Variants in MED27 observed in about 807,000 individuals in gnomAD.
The protein encoded by MED27 is mediator of RNA polymerase II transcription subunit 27.
A neutral mutation model predicts 38.2 loss-of-function variants in MED27; 30 were observed. The ratio of observed to expected loss-of-function variants is 0.79; its 90% confidence interval spans 0.59 to 1.07. MED27 has a LOEUF of 1.07. Ranked by LOEUF, MED27 falls within the 50% of genes least tolerant of loss-of-function variation. MED27 has a pLI of 0.00. For synonymous variants in MED27, 122 were observed against 153.5 expected (o/e 0.79, Z 1.52); for missense variants, 289 against 397.5 (o/e 0.73, Z 2.32).
In MED27 at chr9:132,051,536, A is replaced by C. The variant is rs146127570; in HGVS notation, c.348+25906T>G. On this transcript the variant is annotated intron_variant, in intron 2 of 7. Transcript: ENST00000292035. This position sits in a 1 kb window ranked among gnomAD's most constrained non-coding sequence, Gnocchi z 4.2. ...AGACATAAAGACTGTGGAAATATGC[A>C]CAGTGAAGGAAAAAAGGGTTAGGTC... Among the ~76,000 whole-genome samples the C allele has an allele frequency of 3.6e-3, 551 of 152,328 alleles. 3 individuals carry two copies. Among genetic ancestry groups the C allele is most frequent in the African/African-American group, 0.013 (520 of 41,568 alleles).
intron 3 of MED27, among the ~76,000 whole-genome samples, chr9:131,956,268 G>A (rs1410658723): frequency 1.3e-5 from 2 of 152,236 alleles, no homozygotes; most frequent in East Asian, 3.8e-4. Flanking sequence ...AGATGGTGGA[G>A]TGGGAATTGG....
chr9:131,903,776 G>A (rs898292450), intron 4 of MED27, among the ~76,000 whole-genome samples: 2 of 152,102 alleles, frequency 1.3e-5, no homozygotes, highest in Non-Finnish European at 2.9e-5. Flanking sequence ...TGCCCAGGTT[G>A]GAGTGCAGTA....
At chr9:131,955,033 TG>T (rs150630343) in intron 3 of MED27, among the ~76,000 whole-genome samples, 4,259 of 152,204 alleles carry the variant, frequency 0.028, 206 homozygotes, top group African/African-American at 0.098. Flanking sequence ...CAAGTGCACC[TG>T]GAACACTCAC....
chr9:132,074,552 AATG>A (rs1442749031), intron 2 of MED27, among the ~76,000 whole-genome samples: 1 of 152,214 alleles, frequency 6.6e-6, no homozygotes, highest in African/African-American at 2.4e-5. Flanking sequence ...TTGAGGGTAA[AATG>A]ATGAATGATG....
At chr9:132,066,862 T>A (rs889561475) in intron 2 of MED27, among the ~76,000 whole-genome samples, 1 of 151,808 alleles carries the variant, frequency 6.6e-6, no homozygotes, top group Non-Finnish European at 1.5e-5. Flanking sequence ...ATGAAAAAAA[T>A]AATAAAAATA....
At chr9:131,909,695 A>G (rs1181684446) in intron 4 of MED27, among the ~76,000 whole-genome samples, 1 of 152,254 alleles carries the variant, frequency 6.6e-6, no homozygotes, top group African/African-American at 2.4e-5. Flanking sequence ...GAATGGAAAA[A>G]TATGTCCCAC....
rs1172874993 is a variant in MED27, at chr9:131,889,851, G to A, written c.681+4034C>T. On this transcript the variant is annotated intron_variant, in intron 5 of 7. Transcript: ENST00000292035. This position sits in a 1 kb window ranked among gnomAD's most constrained non-coding sequence, Gnocchi z 4.2. Reference sequence around the variant, plus strand: ...TAGGAGGCTTCCTGAGCCACACCCAGGGCCTCTGTGGCTGTGCTCCAGGAG... The same window carrying A: ...TAGGAGGCTTCCTGAGCCACACCCAAGGCCTCTGTGGCTGTGCTCCAGGAG... Among the ~76,000 whole-genome samples, 1 of 152,166 alleles carries A rather than the reference G, an allele frequency of 6.6e-6. No individual in the cohort carries two copies. Among genetic ancestry groups the A allele is most frequent in the Non-Finnish European group, 1.5e-5 (1 of 68,038 alleles).
chr9:132,007,890 A>C (rs991963476), intron 3 of MED27, among the ~76,000 whole-genome samples: 1 of 152,102 alleles, frequency 6.6e-6, no homozygotes, highest in Admixed American at 6.6e-5. Context: ...CCCTTAATCA[A>C]GCAGACAGAA....
rs1282051669 is a variant in MED27 at position 131,862,827 on chromosome 9, T to A, written c.801+236A>T. ...TGCTGGAACTATTTTGGAAGATCAT[T>A]TCTGAAACCACCGCTTTTTCAGCAA... On this transcript the variant is annotated intron_variant, in intron 7 of 7. Transcript: ENST00000292035. The surrounding 1 kb of genome is among the most constrained non-coding windows in gnomAD (Gnocchi z 4.6). Among the ~76,000 whole-genome samples, 1 of 152,228 alleles carries A rather than the reference T, an allele frequency of 6.6e-6. No homozygotes were observed. Among genetic ancestry groups the A allele is most frequent in the African/African-American group, 2.4e-5 (1 of 41,466 alleles).
chr9:131,991,344 ACATTC>A (rs1385036446), intron 3 of MED27, among the ~76,000 whole-genome samples: 1 of 152,230 alleles, frequency 6.6e-6, no homozygotes, highest in Non-Finnish European at 1.5e-5. Context: ...ATAGATAGGA[ACATTC>A]TAATTTCATT....
At position 131,860,642 on chromosome 9, in the gene MED27, G is replaced by A. The variant is rs376537157; in HGVS notation, c.832C>T (p.Gln278Ter). The A allele has an allele frequency of 1.9e-6, 3 of 1,613,332 alleles. No individual in the cohort carries two copies. Among genetic ancestry groups the A allele is most frequent in the Non-Finnish European group, 2.5e-6 (3 of 1,179,720 alleles). Residue 278 changes from glutamine (Q) to a stop codon, truncating the protein, a stop_gained, in exon 8 of 8, where the codon CAG (glutamine) becomes TAG (stop). Coordinates refer to ENST00000292035, the MANE Select transcript of MED27 (RefSeq NM_004269.4). LOFTEE classifies it high-confidence loss of function. This position sits in a 1 kb window ranked among gnomAD's most constrained non-coding sequence, Gnocchi z 5.8. ...TWLRSYIKLFQAPCQRCGKFL... is the reference protein window; with the variant it reads ...TWLRSYIKLF The stretch of plus-strand genomic sequence containing the variant: ...TTCCCGCAGCGCTGGCACGGGGCCT[G>A]GAACAGCTTTATGTAACTTCTTAAC...
At chr9:132,001,286 T>C (rs1832228176) in intron 3 of MED27, among the ~76,000 whole-genome samples, 1 of 152,076 alleles carries the variant, frequency 6.6e-6, no homozygotes, top group Non-Finnish European at 1.5e-5. Flanking sequence ...TATGTTTGAG[T>C]AAGGTGATAG....
In MED27 at chr9:131,883,386, G is replaced by A. The variant is rs1368224580; in HGVS notation, c.723+672C>T. Reference sequence around the variant, plus strand: ...AATCCTCATCAGCCACAGGGCCTGAGTTAGTCCAGGGAAGGGGCCCTGCAC... The same window carrying A: ...AATCCTCATCAGCCACAGGGCCTGAATTAGTCCAGGGAAGGGGCCCTGCAC... On this transcript the variant is annotated intron_variant, in intron 6 of 7. Transcript: ENST00000292035. The surrounding 1 kb of genome is among the most constrained non-coding windows in gnomAD (Gnocchi z 4.2). 6.6e-6 allele frequency among the ~76,000 whole-genome samples: 1 copy of A among 152,220 alleles called. No homozygotes were observed. The highest frequency in any genetic ancestry group is 1.5e-5 in the Non-Finnish European group (1 of 68,036).
At chr9:131,905,122 T>TA (rs1266291353) in intron 4 of MED27, among the ~76,000 whole-genome samples, 1 of 152,236 alleles carries the variant, frequency 6.6e-6, no homozygotes. Flanking sequence ...ATAAAACGTA[T>TA]ATTCAAATAT....
intron 3 of MED27, among the ~76,000 whole-genome samples, chr9:132,011,750 AG>A (rs1832490940): frequency 6.6e-6 from 1 of 152,192 alleles, no homozygotes; most frequent in African/African-American, 2.4e-5. Flanking sequence ...AGTTCTATAA[AG>A]GGATTCCAGG....
At chr9:131,965,216 C>T (rs1831311412) in intron 3 of MED27, among the ~76,000 whole-genome samples, 1 of 152,162 alleles carries the variant, frequency 6.6e-6, no homozygotes, top group African/African-American at 2.4e-5. Flanking sequence ...GCCTACAGCC[C>T]AGGAAACACT....
rs1364048574 is a variant in MED27 at position 131,982,883 on chromosome 9, G to T, written c.479+31454C>A. Among the ~76,000 whole-genome samples, 1 of 152,240 alleles carries T rather than the reference G, an allele frequency of 6.6e-6. No individual in the cohort carries two copies. The highest frequency in any genetic ancestry group is 2.4e-5 in the African/African-American group (1 of 41,460). On this transcript the variant is annotated intron_variant, in intron 3 of 7. Coordinates refer to ENST00000292035, the MANE Select transcript of MED27 (RefSeq NM_004269.4). The surrounding 1 kb of genome is among the most constrained non-coding windows in gnomAD (Gnocchi z 4.3). ...AAAACTCTGTTTACAGAAACGGGTAGTAGGCTAGTGGGCCTTGGTTTGCCA... is the reference window on the plus strand; with the variant it reads ...AAAACTCTGTTTACAGAAACGGGTATTAGGCTAGTGGGCCTTGGTTTGCCA...
intron 3 of MED27, among the ~76,000 whole-genome samples, chr9:131,945,116 A>C (rs1483789297): frequency 1.4e-5 from 2 of 145,878 alleles, no homozygotes; most frequent in African/African-American, 2.5e-5. Context: ...TTTATATATA[A>C]ATATATAAAA....
intron 2 of MED27, among the ~76,000 whole-genome samples, chr9:132,036,493 C>A (rs945799924): frequency 6.6e-6 from 1 of 152,218 alleles, no homozygotes; most frequent in Non-Finnish European, 1.5e-5. Flanking sequence ...TGAGCCACTG[C>A]GTCTGGCCGT....
Sources: allele counts gnomAD v4.1 joint callset (sites outside exome capture counted in the v4.1 genomes callset), GRCh38; gene constraint gnomAD v4.1.1; non-coding constraint Gnocchi (gnomAD v3.1); transcripts MANE v1.5; gene names NCBI Gene and HGNC (gene_info 2026-07-23, HGNC 2026-07-21).